CSTPP1: variants seen among roughly 807,000 people sequenced by gnomAD.
The protein encoded by CSTPP1 is centriolar satellite-associated tubulin polyglutamylase complex regulator 1.
At chr11:47,051,290 A>G in the CSTPP1 span, among the ~76,000 whole-genome samples, 1 of 152,202 alleles carries the variant, frequency 6.6e-6, no homozygotes, top group Non-Finnish European at 1.5e-5. Context: ...TCTGGTAGGG[A>G]TGATTACTGG....
At chr11:47,051,516 CT>C in the CSTPP1 span, among the ~76,000 whole-genome samples, 8 of 151,872 alleles carry the variant, frequency 5.3e-5, no homozygotes, top group Non-Finnish European at 1.2e-4. Flanking sequence ...CTTTCTTGTT[CT>C]GTTTGGACCC....
the CSTPP1 span, chr11:47,137,657 TGAAA>T: frequency 6.2e-7 from 1 of 1,614,170 alleles, no homozygotes; most frequent in Non-Finnish European, 8.5e-7. Flanking sequence ...TTGCTGACCA[TGAAA>T]GAATATCACT....
At chr11:47,115,144 G>A in the CSTPP1 span, among the ~76,000 whole-genome samples, 22 of 152,286 alleles carry the variant, frequency 1.4e-4, no homozygotes, top group Admixed American at 3.9e-4. Context: ...ATTGATTTGC[G>A]TATGTTGAGC....
the CSTPP1 span, chr11:47,155,363 C>A: frequency 9.7e-7 from 1 of 1,029,208 alleles, no homozygotes; most frequent in Non-Finnish European, 1.5e-6. Flanking sequence ...CGTTTCTCTT[C>A]CCCACTTCCT....
chr11:47,047,924 T>C, the CSTPP1 span, among the ~76,000 whole-genome samples: 17 of 152,312 alleles, frequency 1.1e-4, no homozygotes, highest in African/African-American at 3.6e-4. Context: ...TCATTAGTCA[T>C]TGGTAAAATG....
At chr11:47,140,954 A>G in the CSTPP1 span, among the ~76,000 whole-genome samples, 1 of 151,930 alleles carries the variant, frequency 6.6e-6, no homozygotes, top group African/African-American at 2.4e-5. Context: ...CAAAAAAATT[A>G]GCCGGGCGTG....
At chr11:46,982,211 A>G in the CSTPP1 span, among the ~76,000 whole-genome samples, 1 of 151,992 alleles carries the variant, frequency 6.6e-6, no homozygotes, top group African/African-American at 2.4e-5. Flanking sequence ...GGCCTCATAG[A>G]CCAAAATATG....
At chr11:47,015,341 G>A in the CSTPP1 span, among the ~76,000 whole-genome samples, 231 of 151,926 alleles carry the variant, frequency 1.5e-3, 1 homozygote, top group Middle Eastern at 0.01. Flanking sequence ...AGGCATGGTG[G>A]TGCGCGCCTG....
chr11:47,155,515 TCA>T, the CSTPP1 span: 553 of 560,994 alleles, frequency 9.9e-4, 1 homozygote, highest in Non-Finnish European at 9.9e-4. Context: ...ACGCAACAAA[TCA>T]GTTTAAGTGA....
chr11:47,101,454 T>C, the CSTPP1 span, among the ~76,000 whole-genome samples: 1 of 151,978 alleles, frequency 6.6e-6, no homozygotes. Context: ...TTAGTTCCCA[T>C]GACTACAAAA....
chr11:47,062,471 T>C, the CSTPP1 span, among the ~76,000 whole-genome samples: 1 of 152,208 alleles, frequency 6.6e-6, no homozygotes, highest in African/African-American at 2.4e-5. Context: ...TAATAATAGC[T>C]ACCCCTTATT....
chr11:47,025,418 C>G, the CSTPP1 span, among the ~76,000 whole-genome samples: 2 of 152,154 alleles, frequency 1.3e-5, no homozygotes, highest in Non-Finnish European at 2.9e-5. Context: ...CATCCTAAAC[C>G]CCCTTCAATT....
chr11:46,989,739 A>G, the CSTPP1 span, among the ~76,000 whole-genome samples: 1 of 152,192 alleles, frequency 6.6e-6, no homozygotes, highest in African/African-American at 2.4e-5. Flanking sequence ...ACATGGGTAC[A>G]TTGCACCCAG....
the CSTPP1 span, among the ~76,000 whole-genome samples, chr11:47,005,304 C>T: frequency 6.6e-6 from 1 of 152,062 alleles, no homozygotes; most frequent in South Asian, 2.1e-4. Context: ...TTTTCTTCAT[C>T]CCTTTACAAA....
At chr11:46,958,684 C>T in the CSTPP1 span, among the ~76,000 whole-genome samples, 17 of 152,224 alleles carry the variant, frequency 1.1e-4, no homozygotes, top group Non-Finnish European at 2.5e-4. Flanking sequence ...GCTGAGAAGT[C>T]CCACCATTTG....
At chr11:47,105,426 A>G in the CSTPP1 span, among the ~76,000 whole-genome samples, 1 of 152,126 alleles carries the variant, frequency 6.6e-6, no homozygotes, top group Non-Finnish European at 1.5e-5. Context: ...ACGTGAGCCT[A>G]GGAGTTTGAG....
chr11:47,105,645 A>G, the CSTPP1 span, among the ~76,000 whole-genome samples: 2 of 152,192 alleles, frequency 1.3e-5, no homozygotes, highest in Non-Finnish European at 1.5e-5. Context: ...CATTTTACAG[A>G]TGAGGAAGTT....
chr11:47,078,857 G>T, the CSTPP1 span, among the ~76,000 whole-genome samples: 5 of 152,274 alleles, frequency 3.3e-5, no homozygotes, highest in Admixed American at 2.6e-4. Flanking sequence ...AAAAGGAGAT[G>T]ACTAAAATGA....
the CSTPP1 span, among the ~76,000 whole-genome samples, chr11:47,114,257 A>T: frequency 6.6e-6 from 1 of 152,158 alleles, no homozygotes; most frequent in Non-Finnish European, 1.5e-5. Context: ...GTAGCCTTGT[A>T]GTATAGTTTG....
Sources: allele counts gnomAD v4.1 joint callset (sites outside exome capture counted in the v4.1 genomes callset), GRCh38; gene constraint gnomAD v4.1.1; transcripts MANE v1.5; gene names NCBI Gene and HGNC (gene_info 2026-07-23, HGNC 2026-07-21).